The following SNTG1 variants were observed in gnomAD, a reference collection of about 807,000 sequenced individuals.
SNTG1 encodes syntrophin gamma 1.
In SNTG1, 39 loss-of-function variants were observed where a neutral mutation model predicts 74.7. The observed-to-expected ratio is 0.52, with a 90% CI of 0.40 to 0.68. SNTG1 has a LOEUF of 0.68. Ranked by LOEUF, SNTG1 falls within the 30% of genes least tolerant of loss-of-function variation. SNTG1 has a pLI of 0.00. For missense variants in SNTG1, 685 were observed against 609.5 expected (o/e 1.12, Z -1.30); for synonymous variants, 254 against 217.1 (o/e 1.17, Z -1.49).
intron 15 of SNTG1, among the ~76,000 whole-genome samples, chr8:50,672,605 G>T (rs2095289735): frequency 6.6e-6 from 1 of 152,086 alleles, no homozygotes; most frequent in Admixed American, 6.5e-5. Context: ...CAGATGGGTA[G>T]GTTGCAAAAG....
intron 1 of SNTG1, among the ~76,000 whole-genome samples, chr8:50,102,929 T>C (rs1236203950): frequency 2.0e-5 from 3 of 151,288 alleles, no homozygotes. Context: ...ATCTTTGTTT[T>C]GGTACCAGTA....
upstream of SNTG1, chr8:49,909,952 G>T (rs1805498414): frequency 6.6e-6 from 1 of 152,262 alleles, no homozygotes; most frequent in Admixed American, 6.5e-5. Flanking sequence ...AGTGATTCCC[G>T]GCTCAGTAAC....
chr8:50,213,455 G>A (rs1206343510), intron 2 of SNTG1, among the ~76,000 whole-genome samples: 1 of 152,154 alleles, frequency 6.6e-6, no homozygotes, highest in Admixed American at 6.6e-5. Flanking sequence ...ATAAATTCAT[G>A]TGAGTTGATT....
intron 9 of SNTG1, among the ~76,000 whole-genome samples, chr8:50,516,537 T>A: frequency 6.6e-6 from 1 of 152,158 alleles, no homozygotes; most frequent in Admixed American, 6.5e-5. Flanking sequence ...GCAAGGAAGA[T>A]AAAAACCTTT....
chr8:50,396,808 G>T lies in SNTG1; in HGVS notation c.27+2543G>T, dbSNP rs151329010. 8.7e-3 allele frequency among the ~76,000 whole-genome samples: 1,330 copies of T among 152,250 alleles called. 15 individuals are homozygous for T. The highest frequency in any genetic ancestry group is 0.016 in the African/African-American group (680 of 41,556). ...AGGCCTTAACTTTTAAGTAGAAAAT[G>T]GATGATATTCTACTTTTATAAAGAT... On this transcript the variant is annotated intron_variant, in intron 3 of 18. Coordinates refer to ENST00000642720, the MANE Select transcript of SNTG1 (RefSeq NM_018967.5).
chr8:50,020,070 ATACTC>A (rs1449795821), intron 1 of SNTG1, among the ~76,000 whole-genome samples: 4 of 152,144 alleles, frequency 2.6e-5, no homozygotes, highest in African/African-American at 9.7e-5. Context: ...TTGTGCCACT[ATACTC>A]TATCTTCAGC....
At chr8:50,650,134 A>G (rs1373892759) in intron 13 of SNTG1, among the ~76,000 whole-genome samples, 7 of 152,142 alleles carry the variant, frequency 4.6e-5, no homozygotes, top group African/African-American at 1.4e-4. Flanking sequence ...AAATACCCAT[A>G]TTTGGATTAT....
intron 2 of SNTG1, among the ~76,000 whole-genome samples, chr8:50,215,602 T>C (rs2084751401): frequency 6.6e-6 from 1 of 151,368 alleles, no homozygotes. Context: ...ATAACAAAGG[T>C]GATAAATTAT....
chr8:50,232,888 A>G (rs2085699946), intron 2 of SNTG1, among the ~76,000 whole-genome samples: 1 of 151,564 alleles, frequency 6.6e-6, no homozygotes, highest in African/African-American at 2.4e-5. Flanking sequence ...ACAGGACTTT[A>G]ACCCGAAAAC....
intron 1 of SNTG1, among the ~76,000 whole-genome samples, chr8:50,159,132 C>T (rs2082339036): frequency 6.6e-6 from 1 of 151,822 alleles, no homozygotes; most frequent in Non-Finnish European, 1.5e-5. Context: ...TGTCTTGGCT[C>T]CATGTTTATA....
rs934259377 is a variant in SNTG1 at position 49,934,026 on chromosome 8, A to T, written c.-103+21795A>T. Reference sequence around the variant, plus strand: ...GTCTCTCAACAAATTCATAACAGAAATTAAATACTCTGAGAAGGAAAAGTG... The same window carrying T: ...GTCTCTCAACAAATTCATAACAGAATTTAAATACTCTGAGAAGGAAAAGTG... On this transcript the variant is annotated intron_variant, in intron 1 of 18. Coordinates refer to ENST00000642720, the MANE Select transcript of SNTG1 (RefSeq NM_018967.5). 2.6e-5 allele frequency among the ~76,000 whole-genome samples: 4 copies of T among 152,222 alleles called. No individual in the cohort carries two copies. The East Asian group carries it at 7.7e-4, about 29-fold the overall frequency.
chr8:50,630,728 ATACC>A (rs1418419625), intron 13 of SNTG1, among the ~76,000 whole-genome samples: 68 of 152,342 alleles, frequency 4.5e-4, no homozygotes, highest in African/African-American at 1.6e-3. Flanking sequence ...CTTGAGAGTT[ATACC>A]CCAAGAAGAC....
At chr8:49,979,868 G>A (rs1234101238) in intron 1 of SNTG1, among the ~76,000 whole-genome samples, 1 of 152,168 alleles carries the variant, frequency 6.6e-6, no homozygotes, top group Non-Finnish European at 1.5e-5. Context: ...AGATGCACAT[G>A]GTTATTTATA....
At chr8:50,402,564 A>C (rs1378003779) in intron 4 of SNTG1, among the ~76,000 whole-genome samples, 3 of 152,134 alleles carry the variant, frequency 2.0e-5, no homozygotes, top group Non-Finnish European at 4.4e-5. Context: ...CCTGTTGTCT[A>C]TGACTCCTAG....
At chr8:50,220,621 G>C (rs561684288) in intron 2 of SNTG1, among the ~76,000 whole-genome samples, 134 of 152,294 alleles carry the variant, frequency 8.8e-4, no homozygotes, top group Non-Finnish European at 1.4e-3. Flanking sequence ...ACTGGCAGTT[G>C]GGAGGAGCAT....
intron 17 of SNTG1, among the ~76,000 whole-genome samples, chr8:50,734,299 A>T (rs2095520005): frequency 6.6e-6 from 1 of 151,822 alleles, no homozygotes; most frequent in African/African-American, 2.4e-5. Context: ...TGTAGTATTT[A>T]TATAGAGACT....
Position 50,463,095 on chromosome 8 carries a change from G to A in SNTG1, c.363+12366G>A, listed in dbSNP as rs150283698. Among the ~76,000 whole-genome samples, 384 of 152,220 alleles carry A rather than the reference G, an allele frequency of 2.5e-3. 2 individuals are homozygous for A. Among genetic ancestry groups the A allele is most frequent in the Non-Finnish European group, 3.5e-3 (240 of 67,998 alleles). On this transcript the variant is annotated intron_variant, in intron 8 of 18. Transcript: ENST00000642720. ...TTCCCAAAGTGCTGGGATTATAGGC[G>A]TAAGCCACCACGTCCAGCCCAGATT...
At position 50,648,347 on chromosome 8, in the gene SNTG1, G is replaced by A. The variant is rs112485463; in HGVS notation, c.850-8562G>A. On this transcript the variant is annotated intron_variant, in intron 13 of 18. Coordinates refer to ENST00000642720, the MANE Select transcript of SNTG1 (RefSeq NM_018967.5). ...AAACTCAAATGTCATAGTCTTAAGAGTCTCGAACATATTCTTTTTTGTGAT... is the reference window on the plus strand; with the variant it reads ...AAACTCAAATGTCATAGTCTTAAGAATCTCGAACATATTCTTTTTTGTGAT... Among the ~76,000 whole-genome samples the A allele has an allele frequency of 1.7e-3, 252 of 152,190 alleles. 1 individual carries two copies. The highest frequency in any genetic ancestry group is 5.8e-3 in the African/African-American group (240 of 41,522).
chr8:50,104,949 G>T (rs2080307343), intron 1 of SNTG1, among the ~76,000 whole-genome samples: 1 of 152,058 alleles, frequency 6.6e-6, no homozygotes, highest in African/African-American at 2.4e-5. Context: ...ACTGTTGTAG[G>T]ATGCAGAATT....
Sources: allele counts gnomAD v4.1 joint callset (sites outside exome capture counted in the v4.1 genomes callset), GRCh38; gene constraint gnomAD v4.1.1; transcripts MANE v1.5; gene names NCBI Gene and HGNC (gene_info 2026-07-23, HGNC 2026-07-21).